LRRC37A2: variants seen among roughly 807,000 people sequenced by gnomAD.
The protein encoded by LRRC37A2 is leucine-rich repeat-containing protein 37A2.
In LRRC37A2, 9 loss-of-function variants were observed where a neutral mutation model predicts 68.8. The ratio of observed to expected loss-of-function variants is 0.13; its 90% CI spans 0.08 to 0.23. The LOEUF (loss-of-function observed/expected upper bound fraction) is 0.23, where lower values mean the gene tolerates loss of function less well. Ranked by LOEUF, LRRC37A2 falls within the 10% of genes least tolerant of loss-of-function variation. The pLI, the probability that LRRC37A2 is intolerant of heterozygous loss-of-function variation, is 1.00. For synonymous variants in LRRC37A2, 63 were observed against 367.6 expected, an observed-to-expected ratio of 0.17 and a Z score of 9.48; for missense variants, 168 against 950.4, an observed-to-expected ratio of 0.18 and a Z score of 10.82.
the LRRC37A2 span, chr17:46,831,328 C>G: frequency 6.6e-6 from 1 of 152,424 alleles, no homozygotes; most frequent in Middle Eastern, 3.4e-3. Flanking sequence ...TGAGATTACC[C>G]CCAGCATCTG....
chr17:46,767,196 C>T, the LRRC37A2 span, among the ~76,000 whole-genome samples: 4 of 152,256 alleles, frequency 2.6e-5, no homozygotes, highest in Admixed American at 6.5e-5. Flanking sequence ...CAGTGCATAG[C>T]GCCTCCCATG....
At chr17:46,903,909 T>C in the LRRC37A2 span, among the ~76,000 whole-genome samples, 1 of 151,162 alleles carries the variant, frequency 6.6e-6, no homozygotes, top group East Asian at 2.0e-4. Context: ...GCTGTATGAA[T>C]GTATGAATGG....
At chr17:46,929,450 A>G in the LRRC37A2 span, 1 of 824,244 alleles carries the variant, frequency 1.2e-6, no homozygotes, top group Non-Finnish European at 2.2e-6. Flanking sequence ...CATCAGAAAA[A>G]TTGTCTTTCC....
chr17:46,858,065 G>T, the LRRC37A2 span, among the ~76,000 whole-genome samples: 1 of 152,166 alleles, frequency 6.6e-6, no homozygotes, highest in Admixed American at 6.5e-5. Flanking sequence ...AAGTAGCTGG[G>T]ACTACAGGCA....
the LRRC37A2 span, among the ~76,000 whole-genome samples, chr17:46,603,611 CTT>C: frequency 1.0e-5 from 1 of 100,416 alleles, no homozygotes; most frequent in Admixed American, 1.0e-4. Flanking sequence ...AATTTTCAAA[CTT>C]TTAAGAAAGC....
the LRRC37A2 span, among the ~76,000 whole-genome samples, chr17:46,817,799 A>C: frequency 2.6e-5 from 4 of 152,192 alleles, no homozygotes; most frequent in African/African-American, 9.7e-5. Flanking sequence ...TTGGTCAAAG[A>C]ACAACAAGCC....
the LRRC37A2 span, chr17:46,769,780 C>T: frequency 6.2e-6 from 10 of 1,610,390 alleles, no homozygotes; most frequent in Middle Eastern, 1.7e-4. Flanking sequence ...TAGCCGGGCT[C>T]ACCGTGCGGC....
the LRRC37A2 span, among the ~76,000 whole-genome samples, chr17:46,977,134 C>A: frequency 6.6e-6 from 1 of 152,142 alleles, no homozygotes; most frequent in Non-Finnish European, 1.5e-5. Flanking sequence ...TCTGTGCCTT[C>A]GAGAAACTCC....
the LRRC37A2 span, among the ~76,000 whole-genome samples, chr17:46,500,792 C>T: frequency 3.7e-3 from 554 of 151,100 alleles, 22 homozygotes; most frequent in East Asian, 0.038. Context: ...AATTTTTACT[C>T]ATCTGGATCT....
At chr17:46,894,716 C>A in the LRRC37A2 span, among the ~76,000 whole-genome samples, 21 of 152,340 alleles carry the variant, frequency 1.4e-4, no homozygotes, top group African/African-American at 4.8e-4. Context: ...CGAGCTCACT[C>A]CCCCCACCTG....
At chr17:46,770,144 C>T in the LRRC37A2 span, 1 of 1,433,520 alleles carries the variant, frequency 7.0e-7, no homozygotes, top group South Asian at 1.4e-5. Flanking sequence ...GGGAACGAGG[C>T]CAGGAAGAGT....
the LRRC37A2 span, among the ~76,000 whole-genome samples, chr17:46,855,984 C>A: frequency 1.3e-5 from 2 of 152,170 alleles, no homozygotes; most frequent in Non-Finnish European, 2.9e-5. Context: ...CCACCATGCC[C>A]GGCCCCCAGT....
chr17:46,749,417 C>A, the LRRC37A2 span, among the ~76,000 whole-genome samples: 17 of 152,214 alleles, frequency 1.1e-4, no homozygotes, highest in Admixed American at 9.8e-4. Flanking sequence ...CTATTCATTT[C>A]ATCTTTTTTC....
chr17:46,770,879 C>T, the LRRC37A2 span, among the ~76,000 whole-genome samples: 1 of 152,232 alleles, frequency 6.6e-6, no homozygotes, highest in Non-Finnish European at 1.5e-5. Flanking sequence ...TGGACATTGA[C>T]GATTAGGGAG....
the LRRC37A2 span, among the ~76,000 whole-genome samples, chr17:46,479,436 T>C: frequency 9.5e-6 from 1 of 105,206 alleles, no homozygotes; most frequent in African/African-American, 3.4e-5. Flanking sequence ...CTTATCTTAT[T>C]CACCTCAGAG....
the LRRC37A2 span, among the ~76,000 whole-genome samples, chr17:46,731,203 T>G: frequency 6.6e-6 from 1 of 152,152 alleles, no homozygotes; most frequent in East Asian, 1.9e-4. Flanking sequence ...GAATGAACTT[T>G]GAAAACATGC....
the LRRC37A2 span, among the ~76,000 whole-genome samples, chr17:47,014,127 C>T: frequency 5.9e-5 from 9 of 151,388 alleles, no homozygotes; most frequent in Non-Finnish European, 1.2e-4. Flanking sequence ...TGCAGTGGCT[C>T]ATGCCTGTAA....
At chr17:46,918,882 T>C in the LRRC37A2 span, among the ~76,000 whole-genome samples, 1 of 152,206 alleles carries the variant, frequency 6.6e-6, no homozygotes, top group Non-Finnish European at 1.5e-5. Flanking sequence ...TTGTGTACGC[T>C]GTTTCCTCTT....
chr17:46,832,181 C>T, the LRRC37A2 span, among the ~76,000 whole-genome samples: 3 of 152,164 alleles, frequency 2.0e-5, no homozygotes, highest in Non-Finnish European at 4.4e-5. Flanking sequence ...CTGGTGGCTG[C>T]CCCTCACAAA....
Sources: allele counts gnomAD v4.1 joint callset (sites outside exome capture counted in the v4.1 genomes callset), GRCh38; gene constraint gnomAD v4.1.1; transcripts MANE v1.5; gene names NCBI Gene and HGNC (gene_info 2026-07-23, HGNC 2026-07-21).